Variants in LRRD1 observed in about 807,000 individuals in gnomAD.
The protein encoded by LRRD1 is leucine rich repeats and death domain containing 1.
Under a neutral mutation model 69.5 loss-of-function variants are expected in LRRD1, and 49 were observed. That is an observed-to-expected ratio of 0.70 (90% confidence interval 0.56 to 0.89). The LOEUF is 0.89. Among genes scored for constraint, LRRD1 ranks in the 40% least tolerant of loss-of-function variants. The pLI, the probability that LRRD1 is intolerant of heterozygous loss-of-function variation, is 0.00. For missense variants in LRRD1, 853 were observed against 956.0 expected, an observed-to-expected ratio of 0.89 and a Z score of 1.42; for synonymous variants, 303 against 338.9, an observed-to-expected ratio of 0.89 and a Z score of 1.16.
At chr7:92,176,211 C>A (rs1789193362) in intron 1 of LRRD1, among the ~76,000 whole-genome samples, 1 of 152,116 alleles carries the variant, frequency 6.6e-6, no homozygotes, top group African/African-American at 2.4e-5. Context: ...ATTGAGTCTT[C>A]CTATTTAATA....
chr7:92,161,105 G>A (rs1313386108), intron 2 of LRRD1, among the ~76,000 whole-genome samples: 4 of 152,196 alleles, frequency 2.6e-5, no homozygotes, highest in Non-Finnish European at 4.4e-5. Flanking sequence ...ATTTACTAGA[G>A]GTGGTGTCTG....
intron 4 of LRRD1, among the ~76,000 whole-genome samples, chr7:92,146,924 T>TAA (rs368643858): frequency 2.5e-5 from 3 of 119,542 alleles, no homozygotes; most frequent in African/African-American, 6.3e-5. Flanking sequence ...CTCCGTCTCA[T>TAA]AAAAAAAAAA....
At chr7:92,145,441 T>C (rs1051948488) in intron 5 of LRRD1, among the ~76,000 whole-genome samples, 12 of 142,442 alleles carry the variant, frequency 8.4e-5, no homozygotes, top group Admixed American at 7.1e-4. Flanking sequence ...ACTATATGCT[T>C]TTTTTTTTTT....
rs964081543 is a variant in LRRD1 at position 92,163,348 on chromosome 7, T to C, written c.1855A>G (p.Ile619Val). 3.2e-6 allele frequency: 5 copies of C among 1,539,264 alleles called. No individual in the cohort carries two copies. The African/African-American group carries it at 6.9e-5, about 21-fold the overall frequency. Residue 619 changes from isoleucine to valine, a missense_variant, in exon 2 of 6, where the codon ATT (isoleucine) becomes GTT (valine). Physicochemically the swap from Ile to Val is conservative, Grantham distance 29. This residue lies in a region of LRRD1 where 739 missense variants were observed against 808.0 expected (regional missense o/e 0.91). Coordinates refer to ENST00000458448, the MANE Select transcript of LRRD1 (RefSeq NM_001161528.2). ...FSSNQFIHFPIELCQLQSLEQ... is the reference protein window; with the variant it reads ...FSSNQFIHFPVELCQLQSLEQ... The stretch of plus-strand genomic sequence containing the variant: ...AGTGATTGAAGTTGGCACAGTTCAA[T>C]AGGAAAATGTATAAATTGATTGCTT...
intron 1 of LRRD1, among the ~76,000 whole-genome samples, chr7:92,169,816 C>T (rs528265054): frequency 6.6e-6 from 1 of 152,014 alleles, no homozygotes; most frequent in African/African-American, 2.4e-5. Flanking sequence ...CACTTGTAAT[C>T]CCAGCACTTT....
At chr7:92,143,156 C>A (rs1820210457), downstream of LRRD1, among the ~76,000 whole-genome samples, 1 of 151,904 alleles carries the variant, frequency 6.6e-6, no homozygotes, top group Non-Finnish European at 1.5e-5. Flanking sequence ...GTGTATTCAC[C>A]AACCCTGAGC....
chr7:92,153,305 T>A (rs1034603878), intron 3 of LRRD1, among the ~76,000 whole-genome samples: 1 of 151,824 alleles, frequency 6.6e-6, no homozygotes, highest in African/African-American at 2.4e-5. Context: ...CCTCAAGCGA[T>A]CCACCTGCCT....
chr7:92,149,922 G>T, intron 4 of LRRD1: 1 of 456,676 alleles, frequency 2.2e-6, no homozygotes, highest in Non-Finnish European at 4.4e-6. Flanking sequence ...TGTGGATTTT[G>T]AGTCTGGCCA....
In LRRD1 at chr7:92,174,478, T is replaced by TAC. The variant is rs1213583877; in HGVS notation, c.-75+4528_-75+4529insGT. On this transcript the variant is annotated intron_variant, in intron 1 of 5. Transcript: ENST00000458448. ...TATTATGTATCAATTAGAATATATA[T>TAC]ATATATATATATATATATATATATA... Among the ~76,000 whole-genome samples the TAC allele has an allele frequency of 2.4e-3, 31 of 12,850 alleles. 2 individuals are homozygous for TAC. The highest frequency in any genetic ancestry group is 1.0e-2 in the African/African-American group (30 of 3,014). 8.4% of individuals were successfully genotyped at this position (12,850 alleles called of 152,430 possible).
chr7:92,164,926 T>C lies in LRRD1; in HGVS notation c.277A>G (p.Arg93Gly). ...KNLQFSETST[R>G]TGTSQSLSSL... ...GATAAACTCTGTGAAGTTCCTGTTC[T>C]AGTGCTTGTTTCAGAAAATTGAAGA... Residue 93 changes from arginine (R) to glycine (G), a missense_variant, in exon 2 of 6, where the codon AGA (arginine) becomes GGA (glycine). Coordinates refer to ENST00000458448, the MANE Select transcript of LRRD1 (RefSeq NM_001161528.2). 1 of 1,551,568 alleles carries C rather than the reference T, an allele frequency of 6.4e-7. No individual in the cohort carries two copies.
rs188091903 is a variant in LRRD1 at position 92,151,924 on chromosome 7, G to A, written c.2117-1229C>T. ...AGATAATGCCATTGCACTCCAGCCT[G>A]GGAGACAAGAGCGGAACTCCATCTC... On this transcript the variant is annotated intron_variant, in intron 3 of 5. Transcript: ENST00000458448. Among the ~76,000 whole-genome samples, 443 of 150,898 alleles carry A rather than the reference G, an allele frequency of 2.9e-3. 4 individuals are homozygous for A. Among genetic ancestry groups the A allele is most frequent in the African/African-American group, 0.01 (421 of 41,108 alleles).
intron 3 of LRRD1, among the ~76,000 whole-genome samples, chr7:92,157,029 C>CTTTTTTTT (rs34543093): frequency 1.8e-5 from 2 of 111,780 alleles, no homozygotes; most frequent in East Asian, 2.6e-4. Flanking sequence ...ATGATATTTG[C>CTTTTTTTT]TTTTTTTTTT....
chr7:92,159,666 G>C (rs926498997), intron 2 of LRRD1, among the ~76,000 whole-genome samples: 3 of 143,880 alleles, frequency 2.1e-5, no homozygotes, highest in African/African-American at 7.8e-5. Flanking sequence ...CTGTCACCCA[G>C]GCTGGAGGGC....
chr7:92,159,161 T>C lies in LRRD1; in HGVS notation c.1960A>G (p.Lys654Glu). ...GCATTATTTGAGATATCAAGTTCTT[T>C]AAGTTGAGTCATATTAGATAGCTCT... ...PGELSNMTQL[K>E]ELDISNNAIR... The change falls in exon 3 of 6, where the codon AAA becomes GAA. Residue 654 changes from lysine (K) to glutamate (E), a missense_variant. By Grantham distance (56) the Lys-to-Glu change is moderately conservative. Transcript: ENST00000458448. 1.3e-6 allele frequency: 2 copies of C among 1,540,162 alleles called. No individual in the cohort carries two copies. The highest frequency in any genetic ancestry group is 1.7e-6 in the Non-Finnish European group (2 of 1,143,156).
intron 1 of LRRD1, among the ~76,000 whole-genome samples, chr7:92,167,837 A>C (rs541051288): frequency 8.0e-6 from 1 of 124,224 alleles, no homozygotes; most frequent in South Asian, 2.9e-4. Flanking sequence ...AGATGGCGCC[A>C]TTGCACTCCA....
At chr7:92,145,543 C>T (rs1820301372) in intron 5 of LRRD1, among the ~76,000 whole-genome samples, 1 of 151,486 alleles carries the variant, frequency 6.6e-6, no homozygotes, top group African/African-American at 2.4e-5. Context: ...GGGTTCACGC[C>T]ATTCTCCTGC....
At chr7:92,174,509 A>T (rs375297510) in intron 1 of LRRD1, among the ~76,000 whole-genome samples, 1,184 of 12,798 alleles carry the variant, frequency 0.093, 75 homozygotes, top group African/African-American at 0.16. Flanking sequence ...ATATATATAT[A>T]TTTTTTTTTT....
At chr7:92,142,517 T>A (rs1334472749), downstream of LRRD1, 1 of 456,714 alleles carries the variant, frequency 2.2e-6, no homozygotes, top group East Asian at 7.0e-5. Context: ...CAAAAGAAAC[T>A]GTTAATGGCC....
At chr7:92,169,329 T>C (rs1788996808) in intron 1 of LRRD1, among the ~76,000 whole-genome samples, 2 of 151,612 alleles carry the variant, frequency 1.3e-5, no homozygotes, top group Non-Finnish European at 2.9e-5. Context: ...TTAACAGAGA[T>C]TGGATAATTT....
Sources: allele counts gnomAD v4.1 joint callset (sites outside exome capture counted in the v4.1 genomes callset), GRCh38; gene constraint gnomAD v4.1.1; regional missense constraint gnomAD v4.1.1; transcripts MANE v1.5; gene names NCBI Gene and HGNC (gene_info 2026-07-23, HGNC 2026-07-21).